Variants in SPEG observed in about 807,000 individuals in gnomAD.
SPEG encodes striated muscle preferentially expressed protein kinase.
In SPEG, 114 loss-of-function variants were observed where a neutral mutation model predicts 300.4. The observed-to-expected ratio is 0.38, with a 90% confidence interval of 0.33 to 0.44. The LOEUF (loss-of-function observed/expected upper bound fraction) is 0.44. SPEG is among the 20% of genes least tolerant of loss of function. The pLI, the probability that SPEG is intolerant of heterozygous loss-of-function variation, is 1.00. For missense variants in SPEG, 4,201 were observed against 4,586.2 expected (o/e 0.92, Z 2.43); for synonymous variants, 1,964 against 2,018.9 (o/e 0.97, Z 0.73).
chr2:219,453,915 G>T (rs1689966824), intron 6 of SPEG, among the ~76,000 whole-genome samples: 2 of 152,206 alleles, frequency 1.3e-5, no homozygotes, highest in Admixed American at 6.5e-5. Context: ...CCCAGGCCTG[G>T]AGTCTGCAGG....
Position 219,476,781 on chromosome 2 carries a change from TG to T in SPEG, c.4448-88del, listed in dbSNP as rs563060362. 658 of 1,020,250 alleles carry T rather than the reference TG, an allele frequency of 6.4e-4. 3 individuals carry two copies. In the African/African-American group the frequency reaches 9.3e-3, roughly 14 times the overall value. The allele number at this position is 1,020,250 out of a possible 1,614,324, so 63.2% of individuals were successfully genotyped here. ...CTAGCGTTCTGACTGAGCCAGTCAC[TG>T]ATGGGGGATCTTGGGAGGGGCTGAG... On this transcript the variant is annotated intron_variant, in intron 18 of 40. Transcript: ENST00000312358.
chr2:219,448,040 C>G lies in SPEG; in HGVS notation c.882C>G (p.Ala294=). The G allele has an allele frequency of 1.2e-6, 2 of 1,612,034 alleles. No homozygotes were observed. The highest frequency in any genetic ancestry group is 1.7e-6 in the Non-Finnish European group (2 of 1,179,812). Residue 294 remains alanine, a synonymous_variant, in exon 4 of 41, where the codon GCC becomes GCG. Coordinates refer to ENST00000312358, the MANE Select transcript of SPEG (RefSeq NM_005876.5). ...TTCAGCCTCAACTGGCCAGCGAAGC[C>G]CCACGCCGCCCTGCCCAGCCGCCTC... is the stretch of plus-strand genomic sequence containing the variant. ...PDLQPQLASE[A]PRRPAQPPPS...
chr2:219,462,289 C>A lies in SPEG; in HGVS notation c.2617-9C>A. On this transcript the variant is annotated splice_polypyrimidine_tract_variant and intron_variant, in intron 7 of 40. Transcript: ENST00000312358. ...GTCTTCCCCTGACACTTTGGGGTACCCCCTTCAGGTCTCACTTATGGACCA... is the reference window on the plus strand; with the variant it reads ...GTCTTCCCCTGACACTTTGGGGTACACCCTTCAGGTCTCACTTATGGACCA... 4.5e-6 allele frequency: 7 copies of A among 1,557,462 alleles called. No homozygotes were observed. Among genetic ancestry groups the A allele is most frequent in the Non-Finnish European group, 6.1e-6 (7 of 1,149,570 alleles).
Position 219,473,764 on chromosome 2 carries a change from G to A in SPEG, c.4308G>A (p.Val1436=), listed in dbSNP as rs748226241. The A allele has an allele frequency of 6.2e-7, 1 of 1,614,064 alleles. No homozygotes were observed. The highest frequency in any genetic ancestry group is 8.5e-7 in the Non-Finnish European group (1 of 1,180,030). The change falls in exon 18 of 41, where the codon GTG becomes GTA. Residue 1436 remains valine, a synonymous_variant. Coordinates refer to ENST00000312358, the MANE Select transcript of SPEG (RefSeq NM_005876.5). This position sits in a 1 kb window ranked among gnomAD's most constrained non-coding sequence, Gnocchi z 4.6. ...CCCTCCTAGAGGCACGGGCCGGTGTGTACGAGCTGAGCCAGCCAGATGATG... is the reference window on the plus strand; with the variant it reads ...CCCTCCTAGAGGCACGGGCCGGTGTATACGAGCTGAGCCAGCCAGATGATG... ...RGALLEARAG[V]YELSQPDDDQ... is the part of the protein sequence containing the mutation.
At position 219,464,121 on chromosome 2, in the gene SPEG, T is replaced by C. The variant is rs1274250662; in HGVS notation, c.2706-312T>C. On this transcript the variant is annotated intron_variant, in intron 8 of 40. Coordinates refer to ENST00000312358, the MANE Select transcript of SPEG (RefSeq NM_005876.5). This position sits in a 1 kb window ranked among gnomAD's most constrained non-coding sequence, Gnocchi z 4.5. ...CTGGGTGACAGAGGGAAACCCTGTT[T>C]AAAAAAAAAAAAAAAAGACAAGAAA... Among the ~76,000 whole-genome samples, 2 of 130,420 alleles carry C rather than the reference T, an allele frequency of 1.5e-5. No homozygotes were observed. The highest frequency in any genetic ancestry group is 5.6e-5 in the African/African-American group (2 of 35,706). 85.6% of individuals were successfully genotyped at this position (130,420 alleles called of 152,430 possible). A position where few individuals can be genotyped will look rare whatever the true frequency, so the allele number is the denominator to read the frequency against.
intron 13 of SPEG, 134 bp from the exon 14 acceptor site, chr2:219,471,734 C>T (rs886425414): frequency 5.4e-6 from 6 of 1,109,168 alleles, no homozygotes; most frequent in African/African-American, 1.5e-5. Flanking sequence ...CTGCCCCATC[C>T]TTGCCCCATC....
intron 9 of SPEG, chr2:219,465,924 CGCGCGTGTGCGT>C (rs1691273832): frequency 3.7e-6 from 2 of 541,572 alleles, no homozygotes; most frequent in East Asian, 3.2e-5. Context: ...TGTGTGTGTG[CGCGCGTGTGCGT>C]GCACGTGTGC....
rs961395320 is a variant in SPEG, at chr2:219,462,090, G to C, written c.2616+33G>C. ...CCCTGAGGCTGGGGCCTAGCCTCCT[G>C]TGTGCCCCCGTTCCTTTGGGTGCCC... On this transcript the variant is annotated intron_variant, in intron 7 of 40. Transcript: ENST00000312358. 3.9e-6 allele frequency: 6 copies of C among 1,542,584 alleles called. No individual in the cohort carries two copies. The African/African-American group carries it at 5.6e-5, about 14-fold the overall frequency.
chr2:219,482,812 C>T lies in SPEG; in HGVS notation c.5594C>T (p.Thr1865Met), dbSNP rs750397194. Residue 1865 changes from threonine to methionine, a missense_variant, in exon 29 of 41, where the codon ACG becomes ATG. Physicochemically the swap from Thr to Met is moderately conservative, Grantham distance 81. Around this residue, in one of 4 missense-constraint regions of SPEG, gnomAD observed 1,578 missense variants for 1,506.0 expected, o/e 1.05. Transcript: ENST00000312358. ...CAGGCAAAGGGCGCAGAGGTGAGCA[C>T]GGATCACCTGAAGCTATTCCTCTCC... is the stretch of plus-strand genomic sequence containing the variant. The part of the protein sequence containing the change: ...KTQAKGAEVS[T>M]DHLKLFLSRR... 7.4e-6 allele frequency: 12 copies of T among 1,613,752 alleles called. No homozygotes were observed. The highest frequency in any genetic ancestry group is 6.7e-5 in the East Asian group (3 of 44,890).
At position 219,439,331 on chromosome 2, in the gene SPEG, G is replaced by A. The variant is rs1954799816; in HGVS notation, c.388+3966G>A. 6.6e-6 allele frequency among the ~76,000 whole-genome samples: 1 copy of A among 152,186 alleles called. No homozygotes were observed. The highest frequency in any genetic ancestry group is 1.5e-5 in the Non-Finnish European group (1 of 68,036). On this transcript the variant is annotated intron_variant, in intron 1 of 40. Coordinates refer to ENST00000312358, the MANE Select transcript of SPEG (RefSeq NM_005876.5). This position sits in a 1 kb window ranked among gnomAD's most constrained non-coding sequence, Gnocchi z 4.5. The stretch of plus-strand genomic sequence containing the variant: ...ATACACGAGTCAGGGGGTTGAGGGA[G>A]ACCAAAATTTATGTCCTCCAGGGGA...
At position 219,468,497 on chromosome 2, in the gene SPEG, A is replaced by G. The variant is rs539767703; in HGVS notation, c.3143-81A>G. ...CTGCCCAGGCTCCAGCTTCCTGCTC[A>G]GCCTTAGGTCAGGAGTGGTGGGTTG... On this transcript the variant is annotated intron_variant, in intron 10 of 40. Coordinates refer to ENST00000312358, the MANE Select transcript of SPEG (RefSeq NM_005876.5). 4 of 1,485,712 alleles carry G rather than the reference A, an allele frequency of 2.7e-6. No individual in the cohort carries two copies. In the African/African-American group the frequency reaches 5.6e-5, roughly 21 times the overall value. 92.0% of individuals were successfully genotyped at this position (1,485,712 alleles called of 1,614,324 possible).
In SPEG at chr2:219,473,591, C is replaced by T. The variant is rs1692080490; in HGVS notation, c.4235C>T (p.Thr1412Ile). 1 of 1,614,238 alleles carries T rather than the reference C, an allele frequency of 6.2e-7. No individual in the cohort carries two copies. Among genetic ancestry groups the T allele is most frequent in the Non-Finnish European group, 8.5e-7 (1 of 1,180,042 alleles). ...VEGQPASVTVTFNHVEAQVVW... is the reference protein window; with the variant it reads ...VEGQPASVTVIFNHVEAQVVW... The stretch of plus-strand genomic sequence containing the variant: ...GGACAGCCTGCCAGCGTCACCGTCA[C>T]ATTCAACCATGTGGAGGCCCAGGTC... Residue 1412 changes from threonine (T) to isoleucine (I), a missense_variant, in exon 17 of 41, where the codon ACA becomes ATA. By Grantham distance (89) the Thr-to-Ile change is moderately conservative. Transcript: ENST00000312358. This position sits in a 1 kb window ranked among gnomAD's most constrained non-coding sequence, Gnocchi z 4.6.
In SPEG at chr2:219,480,394, A is replaced by AGC. The variant is rs1692725820; in HGVS notation, c.5342+254_5342+255insGC. On this transcript the variant is annotated intron_variant, in intron 25 of 40. Coordinates refer to ENST00000312358, the MANE Select transcript of SPEG (RefSeq NM_005876.5). This position sits in a 1 kb window ranked among gnomAD's most constrained non-coding sequence, Gnocchi z 5.3. The stretch of plus-strand genomic sequence containing the variant: ...CTGGAAGCCGGGCCTTCCCCTCAGC[A>AGC]TTCAGCCTGCCTCCTCCAGTAAGGC... 6.6e-6 allele frequency among the ~76,000 whole-genome samples: 1 copy of AGC among 152,068 alleles called. No homozygotes were observed. Among genetic ancestry groups the AGC allele is most frequent in the African/African-American group, 2.4e-5 (1 of 41,396 alleles).
intron 38 of SPEG, 54 bp downstream of exon 38, chr2:219,491,010 G>A: frequency 7.0e-7 from 1 of 1,418,850 alleles, no homozygotes; most frequent in Non-Finnish European, 9.8e-7. Context: ...CAGAGAGGCA[G>A]CAGCCAGGGC....
Position 219,448,517 on chromosome 2 carries a change from G to T in SPEG, c.1359G>T (p.Ser453=), listed in dbSNP as rs943188914. 3 of 1,448,752 alleles carry T rather than the reference G, an allele frequency of 2.1e-6. No individual in the cohort carries two copies. 89.7% of individuals were successfully genotyped at this position (1,448,752 alleles called of 1,614,324 possible). The change falls in exon 4 of 41, where the codon TCG becomes TCT. Residue 453 remains serine (S), a synonymous_variant. Coordinates refer to ENST00000312358, the MANE Select transcript of SPEG (RefSeq NM_005876.5). The part of the protein sequence containing the change: ...RGAPWGTPGA[S]QEELRAPGSV... ...CACCGTGGGGCACCCCCGGGGCCTC[G>T]CAGGAAGAACTGCGGGCGCCAGGCA...
chr2:219,489,763 C>T lies in SPEG; in HGVS notation c.8745C>T (p.Pro2915=). The change falls in exon 36 of 41, where the codon CCC becomes CCT. Residue 2915 remains proline, a synonymous_variant. Transcript: ENST00000312358. ...SFVSAPPAPE[P]PAPEPPPEPT... ...TGTCTGCACCACCAGCCCCTGAGCCCCCAGCCCCTGAGCCCCCTCCTGAGC... is the reference window on the plus strand; with the variant it reads ...TGTCTGCACCACCAGCCCCTGAGCCTCCAGCCCCTGAGCCCCCTCCTGAGC... The T allele has an allele frequency of 3.1e-6, 5 of 1,613,596 alleles. No individual in the cohort carries two copies. Among genetic ancestry groups the T allele is most frequent in the Non-Finnish European group, 2.5e-6 (3 of 1,179,864 alleles).
chr2:219,462,286 T>C lies in SPEG; in HGVS notation c.2617-12T>C. The C allele has an allele frequency of 6.4e-7, 1 of 1,555,944 alleles. No individual in the cohort carries two copies. The highest frequency in any genetic ancestry group is 8.7e-7 in the Non-Finnish European group (1 of 1,148,658). ...CCTGTCTTCCCCTGACACTTTGGGG[T>C]ACCCCCTTCAGGTCTCACTTATGGA... On this transcript the variant is annotated splice_polypyrimidine_tract_variant and intron_variant, in intron 7 of 40. Coordinates refer to ENST00000312358, the MANE Select transcript of SPEG (RefSeq NM_005876.5).
At position 219,481,565 on chromosome 2, in the gene SPEG, G is replaced by A. The variant is rs942040910; in HGVS notation, c.5523-73G>A. 103 of 1,605,620 alleles carry A rather than the reference G, an allele frequency of 6.4e-5. No individual in the cohort carries two copies. Among genetic ancestry groups the A allele is most frequent in the Non-Finnish European group, 8.6e-5 (101 of 1,172,628 alleles). On this transcript the variant is annotated intron_variant, in intron 27 of 40. Transcript: ENST00000312358. The surrounding 1 kb of genome is among the most constrained non-coding windows in gnomAD (Gnocchi z 5.4). Reference sequence around the variant, plus strand: ...CATGCAAGCCCCCAACTCCTTAGGAGCCCTGTTTGCTCAGTTATTGACTCA... The same window carrying A: ...CATGCAAGCCCCCAACTCCTTAGGAACCCTGTTTGCTCAGTTATTGACTCA...
rs1690887184 is a variant in SPEG, at chr2:219,463,128, G to A, written c.2705+742G>A. Among the ~76,000 whole-genome samples, 4 of 151,842 alleles carry A rather than the reference G, an allele frequency of 2.6e-5. No homozygotes were observed. In the South Asian group the frequency reaches 6.3e-4, roughly 24 times the overall value. ...ATGAGGGTGAGGAGGAGGATCACTG[G>A]AGCCCAGGAGTTTGAGGTTGCAGTG... On this transcript the variant is annotated intron_variant, in intron 8 of 40. Transcript: ENST00000312358.
Sources: gnomAD v4.1 joint callset for allele counts (sites outside exome capture counted in the v4.1 genomes callset) on GRCh38, gnomAD v4.1.1 for gene constraint, gnomAD v4.1.1 regional missense constraint, Gnocchi (gnomAD v3.1) non-coding constraint, MANE v1.5 for transcripts, NCBI Gene and HGNC (gene_info 2026-07-23, HGNC 2026-07-21) for gene names.